Variants in ZNF519 observed in about 807,000 individuals in gnomAD.
The protein encoded by ZNF519 is similar to Zinc finger protein 85 (Zinc finger protein HPF4) (HTF1).
In ZNF519, 7 loss-of-function variants were observed where a neutral mutation model predicts 7.4. The observed-to-expected ratio is 0.94, with a 90% CI of 0.54 to 1.77. The LOEUF (loss-of-function observed/expected upper bound fraction) is 1.77. ZNF519 is among the 40% of genes most tolerant of loss of function. The pLI is 0.00. For synonymous variants in ZNF519, 179 were observed against 203.3 expected (o/e 0.88, Z 1.02); for missense variants, 586 against 623.1 (o/e 0.94, Z 0.63).
intron 3 of ZNF519, chr18:14,078,444 T>G (rs746664228): frequency 1.2e-4 from 19 of 152,142 alleles, no homozygotes; most frequent in Non-Finnish European, 2.5e-4. Context: ...CAGAAAAAAA[T>G]AGACATTTAT....
At chr18:14,110,125 GA>G (rs1227394830) in intron 2 of ZNF519, among the ~76,000 whole-genome samples, 3 of 152,040 alleles carry the variant, frequency 2.0e-5, no homozygotes, top group African/African-American at 7.2e-5. Context: ...ACGGTGCTAG[GA>G]AAACTGGCAA....
intron 2 of ZNF519, among the ~76,000 whole-genome samples, chr18:14,120,803 A>AT (rs1381953179): frequency 6.6e-6 from 1 of 152,154 alleles, no homozygotes; most frequent in Non-Finnish European, 1.5e-5. Context: ...TACAGTCATC[A>AT]TAAAAACCAA....
intron 2 of ZNF519, among the ~76,000 whole-genome samples, chr18:14,111,149 T>A (rs373227587): frequency 4.6e-5 from 3 of 65,174 alleles, no homozygotes; most frequent in South Asian, 4.4e-4. Context: ...AAAAGGTCAA[T>A]AAAATGCAAA....
At chr18:14,114,217 T>A (rs2046235626) in intron 2 of ZNF519, among the ~76,000 whole-genome samples, 2 of 152,188 alleles carry the variant, frequency 1.3e-5, no homozygotes, top group Admixed American at 1.3e-4. Flanking sequence ...TTTACCCCAT[T>A]TAATTTCCTG....
chr18:14,080,992 C>T (rs1339707441), intron 3 of ZNF519, among the ~76,000 whole-genome samples: 1 of 152,070 alleles, frequency 6.6e-6, no homozygotes, highest in African/African-American at 2.4e-5. Flanking sequence ...GACAGTGAAA[C>T]AATTAGTGGA....
At chr18:14,131,803 A>G (rs893028662) in intron 1 of ZNF519, among the ~76,000 whole-genome samples, 48 of 152,154 alleles carry the variant, frequency 3.2e-4, no homozygotes, top group African/African-American at 1.1e-3. Context: ...CACACACCTT[A>G]TACAAGCCTT....
intron 2 of ZNF519, among the ~76,000 whole-genome samples, chr18:14,088,982 G>GA (rs200734171): frequency 1.3e-3 from 204 of 151,932 alleles, no homozygotes; most frequent in African/African-American, 4.6e-3. Flanking sequence ...ATGTCTGACT[G>GA]AAAAAAACAT....
chr18:14,085,903 G>A (rs767175422), intron 2 of ZNF519, among the ~76,000 whole-genome samples: 6 of 152,202 alleles, frequency 3.9e-5, no homozygotes, highest in African/African-American at 4.8e-5. Context: ...TCTGGCCTTC[G>A]ATAGTGGCAT....
chr18:14,124,345 C>T lies in ZNF519; in HGVS notation c.130+5G>A. The T allele has an allele frequency of 6.3e-7, 1 of 1,593,608 alleles. No homozygotes were observed. The highest frequency in any genetic ancestry group is 8.5e-7 in the Non-Finnish European group (1 of 1,175,130). On this transcript the variant is annotated splice_donor_5th_base_variant and intron_variant, in intron 2 of 2. Coordinates refer to ENST00000590202, the MANE Select transcript of ZNF519 (RefSeq NM_145287.4). ...TTAGGAATTATGTATTGAAGTTATTCTCACCCAGGGAGACGAGGTTTCTGT... is the reference window on the plus strand; with the variant it reads ...TTAGGAATTATGTATTGAAGTTATTTTCACCCAGGGAGACGAGGTTTCTGT...
intron 2 of ZNF519, among the ~76,000 whole-genome samples, chr18:14,109,382 G>C (rs562245644): frequency 2.0e-4 from 30 of 152,238 alleles, no homozygotes; most frequent in African/African-American, 7.0e-4. Context: ...GATATTTACA[G>C]AACATTTTAT....
At position 14,105,341 on chromosome 18, in the gene ZNF519, C is replaced by T; in HGVS notation, c.1199G>A (p.Gly400Glu). ...YVTQHQRMHT[G>E]EKPFKCKECG... Reference sequence around the variant, plus strand: ...TTCCTTACACTTGAAAGGTTTCTCTCCAGTATGCATTCTCTGATGCTGAGT... The same window carrying T: ...TTCCTTACACTTGAAAGGTTTCTCTTCAGTATGCATTCTCTGATGCTGAGT... Residue 400 changes from glycine to glutamate, a missense_variant, in exon 3 of 3, where the codon GGA (glycine) becomes GAA (glutamate). By Grantham distance (98) the Gly-to-Glu change is moderately conservative. Transcript: ENST00000590202. 4 of 1,614,004 alleles carry T rather than the reference C, an allele frequency of 2.5e-6. No individual in the cohort carries two copies. Among genetic ancestry groups the T allele is most frequent in the Non-Finnish European group, 3.4e-6 (4 of 1,180,006 alleles).
intron 2 of ZNF519, among the ~76,000 whole-genome samples, chr18:14,112,166 T>A (rs1365618791): frequency 6.6e-6 from 1 of 152,146 alleles, no homozygotes; most frequent in Non-Finnish European, 1.5e-5. Flanking sequence ...GATGCAAAGA[T>A]ACTTCAACAT....
At chr18:14,108,666 A>G (rs942802868) in intron 2 of ZNF519, among the ~76,000 whole-genome samples, 12 of 152,188 alleles carry the variant, frequency 7.9e-5, no homozygotes, top group African/African-American at 2.9e-4. Context: ...TTCACCTATA[A>G]ACACATAGAT....
At chr18:14,086,638 A>G (rs1237255891) in intron 2 of ZNF519, among the ~76,000 whole-genome samples, 2 of 152,078 alleles carry the variant, frequency 1.3e-5, no homozygotes, top group Non-Finnish European at 2.9e-5. Flanking sequence ...CGTAAACAGA[A>G]CCCCTGGAGC....
chr18:14,116,482 A>G (rs1411750875), intron 2 of ZNF519, among the ~76,000 whole-genome samples: 3 of 152,148 alleles, frequency 2.0e-5, no homozygotes, highest in Non-Finnish European at 2.9e-5. Flanking sequence ...GATGGAACAG[A>G]ATGGAGAACT....
intron 2 of ZNF519, among the ~76,000 whole-genome samples, chr18:14,120,666 C>A (rs1263253927): frequency 6.6e-6 from 1 of 151,868 alleles, no homozygotes; most frequent in Admixed American, 6.5e-5. Context: ...GTGTAAGAAA[C>A]TTCTGCAATT....
chr18:14,083,340 ACT>A (rs1291563132), intron 3 of ZNF519, among the ~76,000 whole-genome samples: 2 of 152,220 alleles, frequency 1.3e-5, no homozygotes, highest in East Asian at 1.9e-4. Context: ...ACAGAGCAAG[ACT>A]CTGTCTCAAA....
At chr18:14,123,896 G>GC (rs1233426930) in intron 2 of ZNF519, 1 of 152,182 alleles carries the variant, frequency 6.6e-6, no homozygotes, top group Non-Finnish European at 1.5e-5. Context: ...TTTTGGCTGG[G>GC]CATGGTGGCT....
chr18:14,094,700 T>A lies in ZNF519; in HGVS notation c.131-9624A>T, dbSNP rs573989715. 1.1e-3 allele frequency among the ~76,000 whole-genome samples: 162 copies of A among 152,310 alleles called. 1 individual carries two copies. The highest frequency in any genetic ancestry group is 3.8e-3 in the African/African-American group (157 of 41,556). Reference sequence around the variant, plus strand: ...TTTCTAGTATTTTGTGAGAATTTTTTAAAATTTATGCTCGCAGAGATTGGC... The same window carrying A: ...TTTCTAGTATTTTGTGAGAATTTTTAAAAATTTATGCTCGCAGAGATTGGC... On this transcript the variant is annotated intron_variant and NMD_transcript_variant, in intron 2 of 4. Coordinates refer to the ZNF519 transcript ENST00000587419.
Sources: gnomAD v4.1 joint callset for allele counts (sites outside exome capture counted in the v4.1 genomes callset) on GRCh38, gnomAD v4.1.1 for gene constraint, MANE v1.5 for transcripts, NCBI Gene and HGNC (gene_info 2026-07-23, HGNC 2026-07-21) for gene names.